DNMT1: variants seen among roughly 807,000 people sequenced by gnomAD.
The protein encoded by DNMT1 is DNA methyltransferase 1, also known as DNA (cytosine-5)-methyltransferase 1.
In DNMT1, 24 loss-of-function variants were observed where a neutral mutation model predicts 205.3. The ratio of observed to expected loss-of-function variants is 0.12; its 90% CI spans 0.08 to 0.16. DNMT1 has a LOEUF of 0.16. Ranked by LOEUF, DNMT1 falls within the 10% of genes least tolerant of loss-of-function variation. The probability of loss-of-function intolerance (pLI) is 1.00; values close to 1 mark genes in which losing one functional copy is unlikely to be tolerated. For missense variants in DNMT1, 1,293 were observed against 2,177.7 expected, an observed-to-expected ratio of 0.59 and a Z score of 8.09; for synonymous variants, 817 against 839.8, an observed-to-expected ratio of 0.97 and a Z score of 0.47.
chr19:10,148,116 C>CAAAAAAAAAAAAAAAAAAAAAATAAAA (rs2038240657), intron 27 of DNMT1, among the ~76,000 whole-genome samples: 1 of 59,294 alleles, frequency 1.7e-5, no homozygotes, highest in Non-Finnish European at 3.1e-5. Context: ...AACTCTGTCT[C>CAAAAAAAAAAAAAAAAAAAAAATAAAA]AAAAAAAAAA....
At chr19:10,170,568 G>A (rs1297107872) in intron 9 of DNMT1, among the ~76,000 whole-genome samples, 5 of 152,070 alleles carry the variant, frequency 3.3e-5, no homozygotes, top group South Asian at 2.1e-4. Flanking sequence ...TTGTTTGAAC[G>A]CAGGAGACAG....
intron 1 of DNMT1, among the ~76,000 whole-genome samples, chr19:10,188,526 C>T (rs920771154): frequency 7.9e-5 from 12 of 152,132 alleles, no homozygotes; most frequent in Non-Finnish European, 1.3e-4. Flanking sequence ...GGTGACAGAG[C>T]GAGACTCCAT....
At chr19:10,152,662 A>G (rs1355112720) in intron 22 of DNMT1, among the ~76,000 whole-genome samples, 1 of 151,898 alleles carries the variant, frequency 6.6e-6, no homozygotes, top group African/African-American at 2.4e-5. Context: ...TTGGGAGGCT[A>G]AGGTGGGAAG....
rs568300138 is a variant in DNMT1, at chr19:10,140,652, G to A, written c.3523+129C>T. On this transcript the variant is annotated intron_variant, in intron 32 of 40. Transcript: ENST00000359526. This position sits in a 1 kb window ranked among gnomAD's most constrained non-coding sequence, Gnocchi z 8.4. ...CAAAGTGCTGGGATTACAGGCGTGC[G>A]CCACCGTGCCTGGCCTCGGAAGGAG... 4.3e-4 allele frequency: 654 copies of A among 1,530,208 alleles called. No individual in the cohort carries two copies. Among genetic ancestry groups the A allele is most frequent in the Non-Finnish European group, 5.4e-4 (604 of 1,111,260 alleles). The allele number at this position is 1,530,208 out of a possible 1,614,324, so 94.8% of individuals were successfully genotyped here.
chr19:10,192,970 C>T (rs903197159), intron 1 of DNMT1, among the ~76,000 whole-genome samples: 2 of 151,960 alleles, frequency 1.3e-5, no homozygotes, highest in Non-Finnish European at 2.9e-5. Context: ...TCACTTGAAC[C>T]CTGAAAGTGG....
rs1425956321 is a variant in DNMT1, at chr19:10,154,800, G to C, written c.1645-27C>G. 4 of 1,614,126 alleles carry C rather than the reference G, an allele frequency of 2.5e-6. No individual in the cohort carries two copies. The highest frequency in any genetic ancestry group is 2.2e-5 in the East Asian group (1 of 44,900). On this transcript the variant is annotated intron_variant, in intron 20 of 40. Coordinates refer to ENST00000359526, the MANE Select transcript of DNMT1 (RefSeq NM_001130823.3). This position sits in a 1 kb window ranked among gnomAD's most constrained non-coding sequence, Gnocchi z 6.3. Reference sequence around the variant, plus strand: ...TTGAAAGAGAACAGGTTTCTCTCATGCTTAAGCCAAACTGGCCTAAATCCA... The same window carrying C: ...TTGAAAGAGAACAGGTTTCTCTCATCCTTAAGCCAAACTGGCCTAAATCCA...
intron 6 of DNMT1, 131 bp downstream of exon 6, chr19:10,177,161 C>A: frequency 3.7e-6 from 3 of 811,410 alleles, no homozygotes; most frequent in Non-Finnish European, 6.1e-6. Context: ...TCATAAATGT[C>A]TAGAGAACAG....
chr19:10,191,126 G>A (rs10426223), intron 1 of DNMT1, among the ~76,000 whole-genome samples: 23,729 of 150,076 alleles, frequency 0.16, 2,679 homozygotes, highest in East Asian at 0.43. Flanking sequence ...GGGGGAAAAA[G>A]AAAAATTAGC....
chr19:10,191,500 G>A (rs1311403407), intron 1 of DNMT1, among the ~76,000 whole-genome samples: 1 of 152,056 alleles, frequency 6.6e-6, no homozygotes, highest in Non-Finnish European at 1.5e-5. Flanking sequence ...GTGGAACCCA[G>A]GGTCAGTGGT....
intron 26 of DNMT1, 115 bp from the exon 27 acceptor site, chr19:10,149,132 T>G: frequency 7.1e-7 from 1 of 1,404,354 alleles, no homozygotes; most frequent in Non-Finnish European, 9.8e-7. Flanking sequence ...GAGACCAGCC[T>G]GGCCAACATG....
chr19:10,166,555 A>G (rs780973059), intron 11 of DNMT1, 43 bp downstream of exon 11: 3 of 1,611,842 alleles, frequency 1.9e-6, no homozygotes, highest in African/African-American at 1.3e-5. Context: ...AAACAGGAGC[A>G]GAAGAATGAG....
chr19:10,153,705 A>G (rs1408647767), intron 22 of DNMT1, among the ~76,000 whole-genome samples: 3 of 152,136 alleles, frequency 2.0e-5, no homozygotes, highest in Non-Finnish European at 4.4e-5. Context: ...GTTAACCAAG[A>G]AAAATAAAAT....
intron 28 of DNMT1, among the ~76,000 whole-genome samples, chr19:10,145,954 G>A (rs897485817): frequency 1.2e-4 from 18 of 151,802 alleles, no homozygotes; most frequent in Admixed American, 3.3e-4. Context: ...TCTGCCTCTC[G>A]AGTAGCTGGG....
chr19:10,186,868 T>C (rs1012644768), intron 1 of DNMT1, among the ~76,000 whole-genome samples: 3 of 125,106 alleles, frequency 2.4e-5, no homozygotes, highest in African/African-American at 1.0e-4. Flanking sequence ...AAGATATATA[T>C]AAACAACCAC....
At chr19:10,188,340 G>A (rs2039234808) in intron 1 of DNMT1, among the ~76,000 whole-genome samples, 1 of 152,190 alleles carries the variant, frequency 6.6e-6, no homozygotes, top group Admixed American at 6.5e-5. Context: ...AGGAGTTCAA[G>A]ACCAGCCTGG....
chr19:10,171,215 G>A (rs2038809135), intron 9 of DNMT1, among the ~76,000 whole-genome samples: 1 of 152,142 alleles, frequency 6.6e-6, no homozygotes, highest in Non-Finnish European at 1.5e-5. Flanking sequence ...TGAGGGACTG[G>A]GGAAAGAGCT....
intron 19 of DNMT1, 47 bp from the exon 20 acceptor site, chr19:10,155,103 C>T (rs771495149): frequency 1.5e-5 from 24 of 1,611,668 alleles, no homozygotes; most frequent in African/African-American, 1.5e-4. Flanking sequence ...AATCTGATGG[C>T]GCCTACAGTG....
intron 1 of DNMT1, among the ~76,000 whole-genome samples, chr19:10,194,008 A>G (rs1490991153): frequency 2.6e-5 from 4 of 152,176 alleles, no homozygotes; most frequent in African/African-American, 7.2e-5. Context: ...TTAGACACAC[A>G]CTAAAGAACA....
At chr19:10,188,762 G>C (rs1462262029) in intron 1 of DNMT1, among the ~76,000 whole-genome samples, 2 of 152,148 alleles carry the variant, frequency 1.3e-5, no homozygotes, top group Non-Finnish European at 2.9e-5. Flanking sequence ...TTGGAGGACG[G>C]GTCAGAGAGA....
Sources: gnomAD v4.1 joint callset for allele counts (sites outside exome capture counted in the v4.1 genomes callset) on GRCh38, gnomAD v4.1.1 for gene constraint, Gnocchi (gnomAD v3.1) non-coding constraint, MANE v1.5 for transcripts, NCBI Gene and HGNC (gene_info 2026-07-23, HGNC 2026-07-21) for gene names.